Variants in DPP10 observed in about 807,000 individuals in gnomAD.
DPP10 encodes the protein inactive dipeptidyl peptidase 10.
In DPP10, 33 loss-of-function variants were observed where a neutral mutation model predicts 120.9. The observed-to-expected ratio is 0.27, with a 90% confidence interval of 0.21 to 0.37. DPP10 has a LOEUF of 0.37. Ranked by LOEUF, DPP10 falls within the 10% of genes least tolerant of loss-of-function variation. The pLI, the probability that DPP10 is intolerant of heterozygous loss-of-function variation, is 1.00. For synonymous variants in DPP10, 337 were observed against 326.1 expected (o/e 1.03, Z -0.36); for missense variants, 816 against 942.8 (o/e 0.87, Z 1.76).
chr2:115,538,740 G>A (rs2079014502), intron 5 of DPP10, among the ~76,000 whole-genome samples: 1 of 151,860 alleles, frequency 6.6e-6, no homozygotes. Context: ...AAATTTTTAG[G>A]TTGGTTAATA....
At chr2:115,177,508 A>C (rs990347728) in intron 1 of DPP10, among the ~76,000 whole-genome samples, 2 of 152,228 alleles carry the variant, frequency 1.3e-5, no homozygotes, top group Non-Finnish European at 2.9e-5. Context: ...CATGTAGTTC[A>C]AACATCAAAT....
chr2:114,903,634 G>A (rs957137937), intron 1 of DPP10, among the ~76,000 whole-genome samples: 1 of 152,126 alleles, frequency 6.6e-6, no homozygotes, highest in South Asian at 2.1e-4. Flanking sequence ...ATGAATTTGG[G>A]GAGAATTGTG....
At chr2:115,128,033 G>A (rs962736822) in intron 1 of DPP10, among the ~76,000 whole-genome samples, 1 of 152,120 alleles carries the variant, frequency 6.6e-6, no homozygotes, top group Non-Finnish European at 1.5e-5. Flanking sequence ...TAAGAAAATG[G>A]TTTGTTCAGA....
At chr2:115,014,883 T>G (rs1413668498) in intron 1 of DPP10, among the ~76,000 whole-genome samples, 4 of 126,300 alleles carry the variant, frequency 3.2e-5, no homozygotes, top group Non-Finnish European at 5.2e-5. Context: ...AAAAAAAGCA[T>G]GGGATGAGAC....
intron 3 of DPP10, among the ~76,000 whole-genome samples, chr2:115,428,171 C>T (rs1275551385): frequency 6.6e-6 from 1 of 152,206 alleles, no homozygotes; most frequent in East Asian, 1.9e-4. Context: ...ATTTTGGTCA[C>T]AACTATTTAA....
At chr2:115,686,322 A>G (rs1180041660) in intron 5 of DPP10, among the ~76,000 whole-genome samples, 4 of 152,040 alleles carry the variant, frequency 2.6e-5, no homozygotes, top group Non-Finnish European at 4.4e-5. Flanking sequence ...AGCGTGAGTT[A>G]TAGTGTTGTT....
At chr2:114,781,929 T>C (rs10167728) in intron 1 of DPP10, among the ~76,000 whole-genome samples, 5,232 of 152,224 alleles carry the variant, frequency 0.034, 319 homozygotes, top group African/African-American at 0.12. Context: ...TAAAAACATA[T>C]AAGGTGTTTT....
intron 1 of DPP10, among the ~76,000 whole-genome samples, chr2:114,497,324 CGTGT>C (rs1336751094): frequency 1.8e-3 from 38 of 20,720 alleles, no homozygotes; most frequent in African/African-American, 4.5e-3. Flanking sequence ...TACATGTATA[CGTGT>C]ATACATGTAC....
intron 1 of DPP10, among the ~76,000 whole-genome samples, chr2:114,583,270 T>A (rs893683268): frequency 1.3e-5 from 2 of 152,240 alleles, no homozygotes; most frequent in African/African-American, 4.8e-5. Context: ...CTTGTATTTT[T>A]GTTAACAGAC....
intron 3 of DPP10, among the ~76,000 whole-genome samples, chr2:115,375,247 T>C (rs1036144075): frequency 2.0e-5 from 3 of 152,192 alleles, no homozygotes; most frequent in South Asian, 2.1e-4. Flanking sequence ...TTCCAATAGA[T>C]ATCCTAAATA....
In DPP10 at chr2:115,640,556, TG is replaced by T. The variant is rs144049968; in HGVS notation, c.442-49128del. Among the ~76,000 whole-genome samples, 1,274 of 152,242 alleles carry T rather than the reference TG, an allele frequency of 8.4e-3. 14 individuals are homozygous for T. Among genetic ancestry groups the T allele is most frequent in the African/African-American group, 0.029 (1,213 of 41,544 alleles). ...ACCTAATATTTTTTGTCTACTTTTT[TG>T]GGAGCAATATGGTGAACTCATATTG... is the stretch of plus-strand genomic sequence containing the variant. On this transcript the variant is annotated intron_variant, in intron 5 of 25. Coordinates refer to ENST00000410059, the MANE Select transcript of DPP10 (RefSeq NM_020868.6).
intron 3 of DPP10, among the ~76,000 whole-genome samples, chr2:115,477,758 G>C (rs1354623219): frequency 1.3e-5 from 2 of 152,112 alleles, no homozygotes; most frequent in Non-Finnish European, 2.9e-5. Context: ...TTACTGCAAA[G>C]CCACAGTAAT....
intron 1 of DPP10, among the ~76,000 whole-genome samples, chr2:115,073,390 G>A (rs1707531391): frequency 6.6e-6 from 1 of 152,222 alleles, no homozygotes; most frequent in Non-Finnish European, 1.5e-5. Flanking sequence ...CCCTGTATTA[G>A]GGCCTGCCTG....
chr2:115,714,162 A>G (rs2092415745), intron 7 of DPP10, among the ~76,000 whole-genome samples: 1 of 152,184 alleles, frequency 6.6e-6, no homozygotes, highest in Admixed American at 6.5e-5. Context: ...TTCACTGAGC[A>G]CATGTTGTTT....
intron 1 of DPP10, among the ~76,000 whole-genome samples, chr2:114,664,411 C>T (rs1484979127): frequency 1.3e-5 from 2 of 151,836 alleles, no homozygotes; most frequent in Non-Finnish European, 2.9e-5. Context: ...GATGGATCAC[C>T]TGAAGTCAGG....
intron 1 of DPP10, among the ~76,000 whole-genome samples, chr2:115,001,673 T>C (rs1267153027): frequency 6.6e-6 from 1 of 152,158 alleles, no homozygotes; most frequent in Non-Finnish European, 1.5e-5. Context: ...CTCTTTGCTC[T>C]GATAAACAAC....
chr2:114,660,895 TAAAGGA>T (rs970746777), intron 1 of DPP10, among the ~76,000 whole-genome samples: 16 of 152,162 alleles, frequency 1.1e-4, no homozygotes, highest in African/African-American at 3.9e-4. Flanking sequence ...TTGCTAAGAA[TAAAGGA>T]AAAGGAAGTA....
intron 1 of DPP10, among the ~76,000 whole-genome samples, chr2:115,114,535 C>T (rs551585022): frequency 8.0e-4 from 122 of 152,238 alleles, no homozygotes; most frequent in Non-Finnish European, 1.4e-3. Flanking sequence ...GTTATATTCA[C>T]GATCTAGATT....
At chr2:115,072,929 C>A (rs1044639885) in intron 1 of DPP10, among the ~76,000 whole-genome samples, 2 of 151,978 alleles carry the variant, frequency 1.3e-5, no homozygotes, top group Non-Finnish European at 2.9e-5. Flanking sequence ...TTTACAGGTG[C>A]CCACCACCAT....
Sources: allele counts gnomAD v4.1 joint callset (sites outside exome capture counted in the v4.1 genomes callset), GRCh38; gene constraint gnomAD v4.1.1; transcripts MANE v1.5; gene names NCBI Gene and HGNC (gene_info 2026-07-23, HGNC 2026-07-21).